Variants in KCNN1 observed in about 807,000 individuals in gnomAD.
KCNN1 encodes the protein potassium calcium-activated channel subfamily N member 1.
In KCNN1, 20 loss-of-function variants were observed where a neutral mutation model predicts 44.7. The ratio of observed to expected loss-of-function variants is 0.45; its 90% CI spans 0.32 to 0.65. The LOEUF is 0.65. Ranked by LOEUF, KCNN1 falls within the 30% of genes least tolerant of loss-of-function variation. KCNN1 has a pLI of 0.05. For synonymous variants in KCNN1, 324 were observed against 341.7 expected (o/e 0.95, Z 0.57); for missense variants, 632 against 785.3 (o/e 0.80, Z 2.33).
Position 17,967,254 on chromosome 19 carries a change from TC to T in KCNN1, c.-143del. Reference sequence around the variant, plus strand: ...CCCGGCTCCGGCTCCCGACTGGGGGTCCGCGGCCGCGCGGGACCCTCTCCCC... The same window carrying T: ...CCCGGCTCCGGCTCCCGACTGGGGGTCGCGGCCGCGCGGGACCCTCTCCCC... On this transcript the variant is annotated 5_prime_UTR_variant, in exon 1 of 10. It introduces an in-frame stop codon into an upstream open reading frame of the 5' UTR. Coordinates refer to ENST00000684775, the MANE Select transcript of KCNN1 (RefSeq NM_001386974.1). The T allele has an allele frequency of 1.0e-6, 1 of 981,530 alleles. No individual in the cohort carries two copies. The allele number at this position is 981,530 out of a possible 1,614,324, so 60.8% of individuals were successfully genotyped here. A position where few individuals can be genotyped will look rare whatever the true frequency, so the allele number is the denominator to read the frequency against.
At chr19:17,964,710 T>C (rs898766215), upstream of KCNN1, among the ~76,000 whole-genome samples, 1 of 151,950 alleles carries the variant, frequency 6.6e-6, no homozygotes, top group Non-Finnish European at 1.5e-5. The surrounding 1 kb of genome is among the most constrained non-coding windows in gnomAD (Gnocchi z 4.3). Context: ...CTCTGAGGGG[T>C]GGGATTCCAG....
At chr19:17,967,842 T>A (rs11670294) in intron 1 of KCNN1, among the ~76,000 whole-genome samples, 33,414 of 151,416 alleles carry the variant, frequency 0.22, 3,947 homozygotes, top group African/African-American at 0.33. Context: ...GTCTGAGCGG[T>A]GAGGCTGATG....
At chr19:17,964,617 G>A (rs2031755143), upstream of KCNN1, among the ~76,000 whole-genome samples, 1 of 152,228 alleles carries the variant, frequency 6.6e-6, no homozygotes, top group South Asian at 2.1e-4. The surrounding 1 kb of genome is among the most constrained non-coding windows in gnomAD (Gnocchi z 4.3). Flanking sequence ...GAGAGGCTCT[G>A]CCTGGAACGG....
At chr19:17,985,210 G>A in intron 4 of KCNN1, 102 bp from the exon 5 acceptor site, 1 of 1,195,500 alleles carries the variant, frequency 8.4e-7, no homozygotes, top group Non-Finnish European at 1.1e-6. Flanking sequence ...CAGCGAGGTG[G>A]ACTCAGGGCC....
At chr19:17,987,329 C>T (rs183823451) in intron 5 of KCNN1, among the ~76,000 whole-genome samples, 171 of 151,884 alleles carry the variant, frequency 1.1e-3, no homozygotes, top group East Asian at 3.3e-3. Flanking sequence ...AGGCTGGTCT[C>T]GAACTCTTGA....
intron 1 of KCNN1, among the ~76,000 whole-genome samples, chr19:17,967,859 C>T (rs2031870560): frequency 6.6e-6 from 1 of 151,874 alleles, no homozygotes; most frequent in Non-Finnish European, 1.5e-5. Flanking sequence ...GATGGAGATG[C>T]ATCAGAATGG....
upstream of KCNN1, among the ~76,000 whole-genome samples, chr19:17,963,813 C>T (rs548243437): frequency 6.6e-6 from 1 of 152,024 alleles, no homozygotes; most frequent in Admixed American, 6.6e-5. Flanking sequence ...GTGGTCTCCA[C>T]CTCCTGGGCT....
intron 2 of KCNN1, among the ~76,000 whole-genome samples, chr19:17,960,036 CTG>C (rs1313158492): frequency 6.6e-6 from 1 of 151,470 alleles, no homozygotes; most frequent in African/African-American, 2.4e-5. Context: ...TAAGCGGAGA[CTG>C]TGCCACTGCA....
At chr19:17,986,691 C>A (rs1488614884) in intron 5 of KCNN1, among the ~76,000 whole-genome samples, 3 of 152,206 alleles carry the variant, frequency 2.0e-5, no homozygotes, top group South Asian at 2.1e-4. Context: ...AAGATGGGGT[C>A]TCACTATGTT....
upstream of KCNN1, among the ~76,000 whole-genome samples, chr19:17,962,781 C>T (rs145246932): frequency 0.039 from 5,943 of 151,738 alleles, 394 homozygotes; most frequent in African/African-American, 0.13. Flanking sequence ...GACCTCGGCT[C>T]ACTGCAACCT....
In KCNN1 at chr19:17,973,800, C is replaced by T. The variant is rs117964682; in HGVS notation, c.-81-8C>T. On this transcript the variant is annotated splice_region_variant and splice_polypyrimidine_tract_variant and intron_variant, in intron 1 of 9. Coordinates refer to ENST00000684775, the MANE Select transcript of KCNN1 (RefSeq NM_001386974.1). ...CTGCTGTGACCATGTCCCTCTGTGCCCTTGCAGGTCAGTGCAGGAGCCCAG... is the reference window on the plus strand; with the variant it reads ...CTGCTGTGACCATGTCCCTCTGTGCTCTTGCAGGTCAGTGCAGGAGCCCAG... The T allele has an allele frequency of 4.2e-5, 63 of 1,503,282 alleles. No individual in the cohort carries two copies. The East Asian group carries it at 1.6e-3, about 37-fold the overall frequency. 93.1% of individuals were successfully genotyped at this position (1,503,282 alleles called of 1,614,324 possible).
chr19:17,973,766 A>G (rs555513760), intron 1 of KCNN1, 42 bp from the exon 2 acceptor site: 1 of 1,457,950 alleles, frequency 6.9e-7, no homozygotes, highest in Non-Finnish European at 9.0e-7. Flanking sequence ...CTGGTCAGTA[A>G]GCTGGACCCT....
upstream of KCNN1, among the ~76,000 whole-genome samples, chr19:17,964,036 C>T (rs1246454155): frequency 2.0e-5 from 3 of 152,156 alleles, no homozygotes; most frequent in African/African-American, 7.2e-5. This position sits in a 1 kb window ranked among gnomAD's most constrained non-coding sequence, Gnocchi z 4.3. Flanking sequence ...TCAAGAGGGG[C>T]ACGGTTTGTA....
chr19:17,987,729 G>A (rs2032646363), intron 5 of KCNN1, among the ~76,000 whole-genome samples: 1 of 151,346 alleles, frequency 6.6e-6, no homozygotes, highest in Non-Finnish European at 1.5e-5. Context: ...CATGGTAATG[G>A]CTCATGCCTG....
chr19:17,996,213 G>A (rs536102433), intron 9 of KCNN1, among the ~76,000 whole-genome samples: 4 of 151,700 alleles, frequency 2.6e-5, no homozygotes, highest in African/African-American at 9.7e-5. Flanking sequence ...GGCTGAGGTG[G>A]GAGGATCACT....
At position 17,981,614 on chromosome 19, in the gene KCNN1, C is replaced by T. The variant is rs2032409742; in HGVS notation, c.499-95C>T. 5 of 1,082,068 alleles carry T rather than the reference C, an allele frequency of 4.6e-6. No homozygotes were observed. The Admixed American group carries it at 9.1e-5, about 20-fold the overall frequency. The allele number at this position is 1,082,068 out of a possible 1,614,324, so 67.0% of individuals were successfully genotyped here. ...AATCCGAGCCTGTGGGGTTTCAGGC[C>T]AGGCTGACGTCACTCTCTGGGGGCG... On this transcript the variant is annotated intron_variant, in intron 3 of 9. Transcript: ENST00000684775.
intron 3 of KCNN1, among the ~76,000 whole-genome samples, chr19:17,975,750 ACT>A (rs2032185846): frequency 6.9e-6 from 1 of 145,586 alleles, no homozygotes; most frequent in Non-Finnish European, 1.5e-5. Context: ...ACAGGGTCTC[ACT>A]CTGTTGCCCA....
intron 2 of KCNN1, among the ~76,000 whole-genome samples, chr19:17,956,610 G>A (rs546075303): frequency 1.3e-5 from 2 of 152,046 alleles, no homozygotes; most frequent in East Asian, 3.9e-4. Context: ...AACCAGTGGG[G>A]TGGTGCATGT....
At chr19:17,995,731 G>A (rs1004160218) in intron 9 of KCNN1, among the ~76,000 whole-genome samples, 1 of 151,622 alleles carries the variant, frequency 6.6e-6, no homozygotes, top group African/African-American at 2.4e-5. Context: ...GATTACAGGT[G>A]TATGCCGCCA....
Sources: gnomAD v4.1 joint callset for allele counts (sites outside exome capture counted in the v4.1 genomes callset) on GRCh38, gnomAD v4.1.1 for gene constraint, Gnocchi (gnomAD v3.1) non-coding constraint, MANE v1.5 for transcripts, NCBI Gene and HGNC (gene_info 2026-07-23, HGNC 2026-07-21) for gene names.